Variants in PODXL2 observed in about 807,000 individuals in gnomAD.
PODXL2 encodes the protein podocalyxin like 2.
In PODXL2, 17 loss-of-function variants were observed where a neutral mutation model predicts 53.4. That is an observed-to-expected ratio of 0.32 (90% CI 0.22 to 0.48). The LOEUF (loss-of-function observed/expected upper bound fraction) is 0.48. PODXL2 is among the 20% of genes least tolerant of loss of function. The pLI is 0.99. For missense variants in PODXL2, 673 were observed against 760.0 expected (o/e 0.89, Z 1.35); for synonymous variants, 311 against 306.7 (o/e 1.01, Z -0.15).
At chr3:127,656,182 G>A (rs1440336915) in intron 2 of PODXL2, among the ~76,000 whole-genome samples, 1 of 152,216 alleles carries the variant, frequency 6.6e-6, no homozygotes, top group Non-Finnish European at 1.5e-5. Context: ...AGAGTTGTTT[G>A]TAATGCCATT....
intron 2 of PODXL2, among the ~76,000 whole-genome samples, chr3:127,648,269 C>A (rs2074667760): frequency 6.6e-6 from 1 of 152,190 alleles, no homozygotes; most frequent in South Asian, 2.1e-4. Context: ...TTGGAGAAAG[C>A]AGACCGACCG....
chr3:127,635,783 G>T (rs2074574706), intron 1 of PODXL2, among the ~76,000 whole-genome samples: 1 of 152,238 alleles, frequency 6.6e-6, no homozygotes, highest in Non-Finnish European at 1.5e-5. Context: ...GATTAAAACG[G>T]TAGCCATTTA....
chr3:127,663,734 C>T (rs901322700), intron 4 of PODXL2, among the ~76,000 whole-genome samples: 23 of 152,324 alleles, frequency 1.5e-4, no homozygotes, highest in Non-Finnish European at 2.4e-4. Flanking sequence ...ATTCCAGGCT[C>T]ACCTTCCTCC....
chr3:127,656,907 G>T (rs2074728394), intron 2 of PODXL2, among the ~76,000 whole-genome samples: 1 of 152,022 alleles, frequency 6.6e-6, no homozygotes, highest in African/African-American at 2.4e-5. Context: ...TTAGCGGGGT[G>T]TAGTGGCCCT....
intron 4 of PODXL2, among the ~76,000 whole-genome samples, chr3:127,666,515 C>T (rs2074795753): frequency 1.3e-5 from 2 of 152,180 alleles, no homozygotes; most frequent in Non-Finnish European, 2.9e-5. Flanking sequence ...TCACGTGATC[C>T]TCCCACCTCA....
intron 2 of PODXL2, among the ~76,000 whole-genome samples, chr3:127,642,291 G>GAAAAAAAAAAAAA (rs201417926): frequency 1.3e-4 from 10 of 77,238 alleles, no homozygotes; most frequent in South Asian, 4.1e-4. Context: ...CTCCATCTCA[G>GAAAAAAAAAAAAA]AAAAAAAAAA....
At position 127,668,596 on chromosome 3, in the gene PODXL2, G is replaced by C. The variant is rs2074810761; in HGVS notation, c.1362G>C (p.Gln454His). The C allele has an allele frequency of 6.6e-7, 1 of 1,525,174 alleles. No homozygotes were observed. Among genetic ancestry groups the C allele is most frequent in the Non-Finnish European group, 8.8e-7 (1 of 1,134,756 alleles). 94.5% of individuals were successfully genotyped at this position (1,525,174 alleles called of 1,614,324 possible). A position where few individuals can be genotyped will look rare whatever the true frequency, so the allele number is the denominator to read the frequency against. ...QHLLMTLVGE[Q>H]GVVPTQDVLS... The stretch of plus-strand genomic sequence containing the variant: ...TTCTCATGACACTGGTGGGCGAGCA[G>C]GGTGAGCGAGGGCAGGTGATGGGAG... Residue 454 changes from glutamine to histidine, a missense_variant and splice_region_variant, in exon 5 of 8, where the codon CAG becomes CAC. Transcript: ENST00000342480.
At chr3:127,661,194 C>A in intron 3 of PODXL2, 35 bp downstream of exon 3, 2 of 1,523,170 alleles carry the variant, frequency 1.3e-6, no homozygotes, top group Non-Finnish European at 1.8e-6. Flanking sequence ...CCACCCTGTA[C>A]CTTCTTCACA....
At chr3:127,653,409 G>C (rs375386039) in intron 2 of PODXL2, among the ~76,000 whole-genome samples, 2 of 152,226 alleles carry the variant, frequency 1.3e-5, no homozygotes, top group East Asian at 3.8e-4. Context: ...TACTTTGGGA[G>C]GCCAAGGCAG....
At chr3:127,658,254 C>T (rs1356315260) in intron 2 of PODXL2, among the ~76,000 whole-genome samples, 1 of 152,156 alleles carries the variant, frequency 6.6e-6, no homozygotes, top group East Asian at 1.9e-4. Flanking sequence ...CTTTTTATTA[C>T]AGGGAATCAA....
At chr3:127,647,591 G>T (rs1009397948) in intron 2 of PODXL2, among the ~76,000 whole-genome samples, 49 of 152,194 alleles carry the variant, frequency 3.2e-4, no homozygotes, top group African/African-American at 1.1e-3. Context: ...CCAGGAACAG[G>T]CTTCCAGCTC....
intron 2 of PODXL2, among the ~76,000 whole-genome samples, chr3:127,655,310 G>A (rs1489342755): frequency 6.6e-6 from 1 of 152,044 alleles, no homozygotes; most frequent in East Asian, 2.0e-4. Flanking sequence ...AGAGGCTGAG[G>A]CAGGAGAATT....
intron 2 of PODXL2, among the ~76,000 whole-genome samples, chr3:127,655,840 C>G (rs1168841463): frequency 6.6e-6 from 1 of 152,206 alleles, no homozygotes; most frequent in South Asian, 2.1e-4. Flanking sequence ...AAAATAGATG[C>G]AGCCTGTGGA....
intron 4 of PODXL2, 92 bp downstream of exon 4, chr3:127,662,403 G>C: frequency 1.1e-6 from 1 of 919,598 alleles, no homozygotes; most frequent in Non-Finnish European, 1.7e-6. Context: ...CAAGCAGTGC[G>C]TGGGAGAAGG....
chr3:127,662,894 A>G (rs923395530), intron 4 of PODXL2, among the ~76,000 whole-genome samples: 1 of 152,248 alleles, frequency 6.6e-6, no homozygotes, highest in African/African-American at 2.4e-5. Context: ...TGTTCGAAGT[A>G]TAACAAGTTG....
chr3:127,660,851 C>T lies in PODXL2; in HGVS notation c.823C>T (p.Leu275Phe), dbSNP rs148042225. 166 of 1,614,252 alleles carry T rather than the reference C, an allele frequency of 1.0e-4. No homozygotes were observed. In the African/African-American group the frequency reaches 1.9e-3, roughly 18 times the overall value. The change falls in exon 3 of 8, where the codon CTT becomes TTT. Residue 275 changes from leucine to phenylalanine, a missense_variant. Leu to Phe is a conservative substitution (Grantham distance 22). Around this residue, in one of 3 missense-constraint regions of PODXL2, gnomAD observed 588 missense variants for 668.3 expected, o/e 0.88. Coordinates refer to ENST00000342480, the MANE Select transcript of PODXL2 (RefSeq NM_015720.4). ...AEATVLPAAG[L>F]GVEFEAPQEA... is the part of the protein sequence containing the mutation. ...GGCCACAGTGCTGCCAGCTGCAGGG[C>T]TTGGGGTAGAGTTCGAGGCTCCTCA...
intron 2 of PODXL2, among the ~76,000 whole-genome samples, chr3:127,647,626 C>T (rs963448758): frequency 6.6e-6 from 1 of 152,246 alleles, no homozygotes; most frequent in Non-Finnish European, 1.5e-5. Flanking sequence ...CCGCCCTCAA[C>T]GTGCTGGAGC....
intron 5 of PODXL2, 51 bp from the exon 6 acceptor site, chr3:127,669,081 CTTGGAGGGG>C: frequency 1.7e-6 from 2 of 1,206,034 alleles, no homozygotes; most frequent in South Asian, 2.7e-5. Context: ...GGCCAGAGCC[CTTGGAGGGG>C]CACGCACCTC....
intron 3 of PODXL2, among the ~76,000 whole-genome samples, chr3:127,662,017 C>T (rs1194145982): frequency 6.6e-6 from 1 of 152,214 alleles, no homozygotes; most frequent in African/African-American, 2.4e-5. Context: ...CTGGCCTCCT[C>T]CTCTCACTCA....
Sources: allele counts gnomAD v4.1 joint callset (sites outside exome capture counted in the v4.1 genomes callset), GRCh38; gene constraint gnomAD v4.1.1; regional missense constraint gnomAD v4.1.1; transcripts MANE v1.5; gene names NCBI Gene and HGNC (gene_info 2026-07-23, HGNC 2026-07-21).